Variants in MDN1 observed in about 807,000 individuals in gnomAD.
The protein encoded by MDN1 is midasin AAA ATPase 1, also known as midasin.
In MDN1, 266 loss-of-function variants were observed where a neutral mutation model predicts 669.2. The ratio of observed to expected loss-of-function variants is 0.40; its 90% CI spans 0.36 to 0.44. MDN1 has a LOEUF of 0.44. MDN1 is among the 20% of genes least tolerant of loss of function. The pLI, the probability that MDN1 is intolerant of heterozygous loss-of-function variation, is 1.00. For synonymous variants in MDN1, 2,385 were observed against 2,457.1 expected (o/e 0.97, Z 0.87); for missense variants, 5,940 against 6,754.0 (o/e 0.88, Z 4.22).
At chr6:89,677,721 A>C in intron 75 of MDN1, 25 bp from the exon 76 acceptor site, 5 of 1,613,594 alleles carry the variant, frequency 3.1e-6, no homozygotes, top group Non-Finnish European at 4.2e-6. Flanking sequence ...GCATTTCTTT[A>C]AGCAAAGATG....
intron 37 of MDN1, among the ~76,000 whole-genome samples, chr6:89,725,699 T>C (rs1033761584): frequency 3.3e-5 from 5 of 151,254 alleles, no homozygotes; most frequent in African/African-American, 7.3e-5. Flanking sequence ...GCCTGCTGCA[T>C]AGCTGTGACC....
chr6:89,712,989 A>G (rs938850290), intron 47 of MDN1, among the ~76,000 whole-genome samples, 159 bp downstream of exon 47: 2 of 151,666 alleles, frequency 1.3e-5, no homozygotes, highest in African/African-American at 4.8e-5. Context: ...CATTCAAGCT[A>G]TTTTCCAGAA....
chr6:89,784,240 C>A (rs967957853), intron 9 of MDN1, among the ~76,000 whole-genome samples: 3 of 151,942 alleles, frequency 2.0e-5, no homozygotes, highest in Non-Finnish European at 4.4e-5. Flanking sequence ...TTGCTTGAAC[C>A]AGGAGGCAGA....
chr6:89,745,134 T>TAAAAAAAAAAAAAAAAAAAA, intron 29 of MDN1, 139 bp downstream of exon 29: 8 of 282,342 alleles, frequency 2.8e-5, no homozygotes, highest in Admixed American at 1.3e-4. Context: ...AGTCTCTTCT[T>TAAAAAAAAAAAAAAAAAAAA]AAAAAAAAAA....
chr6:89,799,199 T>G (rs757902229), intron 2 of MDN1, among the ~76,000 whole-genome samples: 14 of 152,212 alleles, frequency 9.2e-5, no homozygotes, highest in Non-Finnish European at 1.8e-4. Context: ...AGAAAGTGCA[T>G]GCTCCACCAC....
intron 59 of MDN1, among the ~76,000 whole-genome samples, chr6:89,697,583 T>G (rs1415565015): frequency 6.6e-6 from 1 of 151,512 alleles, no homozygotes; most frequent in African/African-American, 2.4e-5. Context: ...TGAACAACCC[T>G]ATTTTTTTTT....
In MDN1 at chr6:89,776,580, T is replaced by TA. The variant is rs1308847198; in HGVS notation, c.1821+19dup. 6.3e-7 allele frequency: 1 copy of TA among 1,575,774 alleles called. No homozygotes were observed. The highest frequency in any genetic ancestry group is 1.1e-5 in the South Asian group (1 of 88,652). Reference sequence around the variant, plus strand: ...TCCTAGCCTCCTTTCAACAGGGAAGTAAAAAAACAGCACACATACCTTTTT... The same window carrying TA: ...TCCTAGCCTCCTTTCAACAGGGAAGTAAAAAAAACAGCACACATACCTTTTT... On this transcript the variant is annotated intron_variant, in intron 12 of 101. Transcript: ENST00000369393.
At chr6:89,801,174 T>C (rs769557071) in intron 2 of MDN1, among the ~76,000 whole-genome samples, 1 of 152,160 alleles carries the variant, frequency 6.6e-6, no homozygotes, top group Non-Finnish European at 1.5e-5. Flanking sequence ...GGCGGGCAGA[T>C]CACCCGAGGT....
rs531917674 is a variant in MDN1 at position 89,699,171 on chromosome 6, C to T, written c.8998-136G>A. ...TAATCCAAATTTTTCCGTTTCTCTG[C>T]CACCCCAGTCAACTTGGTCAAGGAA... On this transcript the variant is annotated intron_variant, in intron 58 of 101. Coordinates refer to ENST00000369393, the MANE Select transcript of MDN1 (RefSeq NM_014611.3). 3 of 726,480 alleles carry T rather than the reference C, an allele frequency of 4.1e-6. No homozygotes were observed. In the East Asian group the frequency reaches 8.2e-5, roughly 20 times the overall value. 45.0% of individuals were successfully genotyped at this position (726,480 alleles called of 1,614,324 possible).
Position 89,750,512 on chromosome 6 carries a change from T to A in MDN1, c.3248A>T (p.Gln1083Leu). Residue 1083 changes from glutamine (Q) to leucine (L), a missense_variant, in exon 24 of 102, where the codon CAG becomes CTG. Physicochemically the swap from Gln to Leu is moderately radical, Grantham distance 113 (BLOSUM62 -2). This residue lies in a region of MDN1 where 15 missense variants were observed against 36.2 expected (regional missense o/e 0.41). Transcript: ENST00000369393. ...VSAGTYPVLI[Q>L]GETSVGKTSL... The stretch of plus-strand genomic sequence containing the variant: ...TGTTTTACCAACTGATGTCTCTCCC[T>A]GAATCAGCACTGGATAGGTTCTGTA... The A allele has an allele frequency of 1.2e-6, 2 of 1,613,376 alleles. No individual in the cohort carries two copies. The highest frequency in any genetic ancestry group is 1.3e-5 in the African/African-American group (1 of 75,056).
chr6:89,672,141 C>T (rs929339045), intron 82 of MDN1, 59 bp downstream of exon 82: 28 of 1,480,148 alleles, frequency 1.9e-5, no homozygotes, highest in Admixed American at 5.2e-5. Context: ...GTAAAGCCCA[C>T]TCTGCCTTTG....
chr6:89,720,952 C>A (rs960499429), intron 40 of MDN1, among the ~76,000 whole-genome samples: 3 of 152,026 alleles, frequency 2.0e-5, no homozygotes, highest in African/African-American at 4.8e-5. Context: ...CTGGACAACA[C>A]GGCAAGACCA....
chr6:89,708,998 C>T (rs1384659502), intron 50 of MDN1, among the ~76,000 whole-genome samples: 3 of 135,620 alleles, frequency 2.2e-5, no homozygotes, highest in African/African-American at 5.4e-5. Context: ...AAAAAAAATA[C>T]GTACATGGCA....
intron 1 of MDN1, among the ~76,000 whole-genome samples, chr6:89,806,785 G>A (rs940015843): frequency 1.3e-5 from 2 of 150,968 alleles, no homozygotes; most frequent in South Asian, 2.1e-4. Flanking sequence ...AGCTGGTGAC[G>A]GTGTGCATCT....
Position 89,692,502 on chromosome 6 carries a change from C to T in MDN1, c.10528G>A (p.Val3510Met), listed in dbSNP as rs769999967. Reference sequence around the variant, plus strand: ...TGGTCCAACTCTCCCTTGCATAACACGTGGGAGCGCAGGTAAAGGAGAGCA... The same window carrying T: ...TGGTCCAACTCTCCCTTGCATAACATGTGGGAGCGCAGGTAAAGGAGAGCA... ...MNALLYLRSH[V>M]LCKGELDQRA... is the part of the protein sequence containing the mutation. The change falls in exon 63 of 102, where the codon GTG (valine) becomes ATG (methionine). Residue 3510 changes from valine to methionine, a missense_variant. By Grantham distance (21) the Val-to-Met change is conservative (BLOSUM62 1). Transcript: ENST00000369393. The T allele has an allele frequency of 2.0e-5, 32 of 1,614,174 alleles. No individual in the cohort carries two copies. Among genetic ancestry groups the T allele is most frequent in the Non-Finnish European group, 2.4e-5 (28 of 1,179,992 alleles).
intron 97 of MDN1, among the ~76,000 whole-genome samples, chr6:89,648,532 A>G (rs923355209): frequency 2.0e-5 from 3 of 152,174 alleles, no homozygotes; most frequent in Admixed American, 6.5e-5. Flanking sequence ...CCTAGAATCC[A>G]TTACACTGAT....
At position 89,712,624 on chromosome 6, in the gene MDN1, A is replaced by G; in HGVS notation, c.7381T>C (p.Leu2461=). The G allele has an allele frequency of 6.2e-7, 1 of 1,614,160 alleles. No homozygotes were observed. Residue 2461 remains leucine, a synonymous_variant, in exon 48 of 102, where the codon TTA becomes CTA. Coordinates refer to ENST00000369393, the MANE Select transcript of MDN1 (RefSeq NM_014611.3). The stretch of plus-strand genomic sequence containing the variant: ...CTCATCCTGTTGAGACAATATACTA[A>G]GATCTGTCCATCTCTTCGGACTGTA... ...LSTVRRDGQI[L]VYCLNRMSMK...
At chr6:89,682,992 C>T in intron 73 of MDN1, 140 bp downstream of exon 73, 1 of 850,366 alleles carries the variant, frequency 1.2e-6, no homozygotes, top group Non-Finnish European at 1.8e-6. Flanking sequence ...GGAAGTCAGG[C>T]AAATACATGC....
At position 89,698,924 on chromosome 6, in the gene MDN1, G is replaced by T; in HGVS notation, c.9109C>A (p.Pro3037Thr). 6.2e-7 allele frequency: 1 copy of T among 1,614,046 alleles called. No individual in the cohort carries two copies. Among genetic ancestry groups the T allele is most frequent in the East Asian group, 2.2e-5 (1 of 44,866 alleles). ...TCCCTCTGCTGCATACCAGGCAAAG[G>T]GTTCCACATTAGCCAGTACTCTGGA... ...TNPEYWLMWN[P>T]LPGMQQREAP... The change falls in exon 59 of 102, where the codon CCT becomes ACT. Residue 3037 changes from proline (P) to threonine (T), a missense_variant. Physicochemically the swap from Pro to Thr is conservative, Grantham distance 38. Coordinates refer to ENST00000369393, the MANE Select transcript of MDN1 (RefSeq NM_014611.3).
Sources: gnomAD v4.1 joint callset for allele counts (sites outside exome capture counted in the v4.1 genomes callset) on GRCh38, gnomAD v4.1.1 for gene constraint, gnomAD v4.1.1 regional missense constraint, MANE v1.5 for transcripts, NCBI Gene and HGNC (gene_info 2026-07-23, HGNC 2026-07-21) for gene names.